The following TLE4 variants were observed in gnomAD, a reference collection of about 807,000 sequenced individuals.
TLE4 encodes TLE family member 4, transcriptional corepressor.
A neutral mutation model predicts 92.8 loss-of-function variants in TLE4; 8 were observed. The observed-to-expected ratio is 0.09, with a 90% CI of 0.05 to 0.16. TLE4 has a LOEUF of 0.16. TLE4 is among the 10% of genes least tolerant of loss of function. The pLI, the probability that TLE4 is intolerant of heterozygous loss-of-function variation, is 1.00. For synonymous variants in TLE4, 371 were observed against 374.1 expected (o/e 0.99, Z 0.10); for missense variants, 675 against 997.6 (o/e 0.68, Z 4.36).
chr9:79,676,555 A>G (rs1240310117), intron 8 of TLE4, among the ~76,000 whole-genome samples: 1 of 152,198 alleles, frequency 6.6e-6, no homozygotes, highest in Non-Finnish European at 1.5e-5. Context: ...ACTGGAAAGG[A>G]AAACAAAGAA....
rs749523805 is a variant in TLE4 at position 79,572,847 on chromosome 9, C to T, written c.45+12C>T. The T allele has an allele frequency of 5.0e-6, 8 of 1,593,592 alleles. No individual in the cohort carries two copies. The South Asian group carries it at 7.9e-5, about 16-fold the overall frequency. The stretch of plus-strand genomic sequence containing the variant: ...AGACCAGACACCCAGTGAGTGCGGG[C>T]GGCGGGGCGCGGGCTCGCCGGGTGC... On this transcript the variant is annotated intron_variant, in intron 1 of 19. Transcript: ENST00000376552.
At chr9:79,616,687 G>A (rs1425599629) in intron 5 of TLE4, among the ~76,000 whole-genome samples, 1 of 152,150 alleles carries the variant, frequency 6.6e-6, no homozygotes, top group African/African-American at 2.4e-5. Flanking sequence ...TGGGTCCTTA[G>A]TAAAACTGAG....
At chr9:79,695,666 C>A (rs1241541252) in intron 8 of TLE4, among the ~76,000 whole-genome samples, 1 of 152,094 alleles carries the variant, frequency 6.6e-6, no homozygotes, top group Admixed American at 6.5e-5. Context: ...AAAAGAGTAG[C>A]CACAGCCACA....
chr9:79,595,131 G>C (rs917513775), intron 4 of TLE4, among the ~76,000 whole-genome samples: 4 of 152,078 alleles, frequency 2.6e-5, no homozygotes, highest in African/African-American at 9.7e-5. Flanking sequence ...TAGACACTTG[G>C]GTTCTGTAAG....
intron 19 of TLE4, among the ~76,000 whole-genome samples, chr9:79,724,152 A>G (rs1237165685): frequency 1.3e-5 from 2 of 151,790 alleles, no homozygotes; most frequent in Non-Finnish European, 2.9e-5. Flanking sequence ...GCTTTTTACT[A>G]GGAATATTTT....
At chr9:79,586,362 A>G (rs75300773) in intron 4 of TLE4, among the ~76,000 whole-genome samples, 3 of 142,052 alleles carry the variant, frequency 2.1e-5, no homozygotes, top group Non-Finnish European at 4.6e-5. Flanking sequence ...ACTCTGTCAC[A>G]AAAAAAAAAA....
intron 8 of TLE4, among the ~76,000 whole-genome samples, chr9:79,700,868 A>C (rs2069631748): frequency 6.6e-6 from 1 of 152,160 alleles, no homozygotes; most frequent in South Asian, 2.1e-4. Context: ...ACACACACGC[A>C]CACTCAAACT....
Position 79,704,884 on chromosome 9 carries a change from G to T in TLE4, c.711G>T (p.Lys237Asn). The T allele has an allele frequency of 1.2e-6, 2 of 1,614,072 alleles. No homozygotes were observed. The highest frequency in any genetic ancestry group is 1.7e-6 in the Non-Finnish European group (2 of 1,180,004). The change falls in exon 9 of 20, where the codon AAG (lysine) becomes AAT (asparagine). Residue 237 changes from lysine to asparagine, a missense_variant. Coordinates refer to ENST00000376552, the MANE Select transcript of TLE4 (RefSeq NM_007005.6). ...GCAAAAAGCAGAAAACTGAAGAAAA[G>T]GAAATTGCAGCTCGTTATGTAAGTT... ...SESKKQKTEE[K>N]EIAARYDSDG...
At chr9:79,672,250 A>G (rs1428243272) in intron 8 of TLE4, among the ~76,000 whole-genome samples, 1 of 152,090 alleles carries the variant, frequency 6.6e-6, no homozygotes, top group Non-Finnish European at 1.5e-5. Flanking sequence ...AAAGTAAGAT[A>G]CACACTGGGC....
chr9:79,642,689 A>C (rs531712697), intron 6 of TLE4, among the ~76,000 whole-genome samples: 3 of 152,246 alleles, frequency 2.0e-5, no homozygotes, highest in African/African-American at 7.2e-5. Context: ...ACTAATGGGA[A>C]AGTTAATAAA....
chr9:79,670,191 T>TG (rs1455425600), intron 8 of TLE4, among the ~76,000 whole-genome samples: 2 of 132,022 alleles, frequency 1.5e-5, no homozygotes, highest in African/African-American at 5.7e-5. Context: ...AACAGTTAAA[T>TG]AAGAAAAAAA....
At chr9:79,641,925 G>A (rs576483526) in intron 6 of TLE4, among the ~76,000 whole-genome samples, 2 of 151,554 alleles carry the variant, frequency 1.3e-5, no homozygotes, top group South Asian at 2.1e-4. Context: ...GTACAGTGAA[G>A]TCTATTTAGT....
At chr9:79,588,427 G>C (rs112180550) in intron 4 of TLE4, among the ~76,000 whole-genome samples, 10 of 152,142 alleles carry the variant, frequency 6.6e-5, no homozygotes, top group Non-Finnish European at 8.8e-5. Context: ...GGGATTACAG[G>C]TGTGAGCCAC....
At position 79,713,316 on chromosome 9, in the gene TLE4, A is replaced by T. The variant is rs186621871; in HGVS notation, c.1340+3617A>T. ...TAACAAGTTTGACACACATGTTTTTAAAAAAGCAAATTGCATGTGTCTGGA... is the reference window on the plus strand; with the variant it reads ...TAACAAGTTTGACACACATGTTTTTTAAAAAGCAAATTGCATGTGTCTGGA... On this transcript the variant is annotated intron_variant, in intron 14 of 19. Transcript: ENST00000376552. 2.3e-3 allele frequency among the ~76,000 whole-genome samples: 358 copies of T among 152,346 alleles called. 1 individual carries two copies. Among genetic ancestry groups the T allele is most frequent in the South Asian group, 0.012 (59 of 4,828 alleles).
At chr9:79,576,472 G>C (rs1035324140) in intron 4 of TLE4, 2 of 214,602 alleles carry the variant, frequency 9.3e-6, no homozygotes, top group Non-Finnish European at 1.8e-5. Context: ...TCTTCTGAAA[G>C]AGTTGCTTTA....
intron 6 of TLE4, among the ~76,000 whole-genome samples, chr9:79,650,543 A>T (rs1241037721): frequency 2.0e-5 from 3 of 152,162 alleles, no homozygotes; most frequent in African/African-American, 4.8e-5. Context: ...TGTTTTCTTC[A>T]TAGACGTTAT....
intron 8 of TLE4, among the ~76,000 whole-genome samples, chr9:79,658,005 C>T (rs116853072): frequency 6.6e-6 from 1 of 152,274 alleles, no homozygotes; most frequent in Non-Finnish European, 1.5e-5. Context: ...AAATATAGCA[C>T]GAGTACTTTT....
intron 8 of TLE4, among the ~76,000 whole-genome samples, chr9:79,656,242 G>A (rs1275411479): frequency 6.6e-6 from 1 of 152,142 alleles, no homozygotes; most frequent in Non-Finnish European, 1.5e-5. Context: ...TCCCATAAGT[G>A]GTTCCTGGTT....
intron 8 of TLE4, chr9:79,671,206 C>T: frequency 2.2e-6 from 1 of 454,704 alleles, no homozygotes; most frequent in Non-Finnish European, 4.4e-6. Flanking sequence ...ATGTATTTTA[C>T]AGCAAAACTA....
Sources: allele counts gnomAD v4.1 joint callset (sites outside exome capture counted in the v4.1 genomes callset), GRCh38; gene constraint gnomAD v4.1.1; transcripts MANE v1.5; gene names NCBI Gene and HGNC (gene_info 2026-07-23, HGNC 2026-07-21).